The following GATB variants were observed in gnomAD, a reference collection of about 807,000 sequenced individuals.
GATB encodes glutamyl-tRNA(Gln) amidotransferase subunit B, mitochondrial.
A neutral mutation model predicts 62.3 loss-of-function variants in GATB; 39 were observed. The observed-to-expected ratio is 0.63, with a 90% CI of 0.48 to 0.82. The LOEUF (loss-of-function observed/expected upper bound fraction) is 0.82. Among genes scored for constraint, GATB ranks in the 40% least tolerant of loss-of-function variants. The probability of loss-of-function intolerance (pLI) is 0.00; values close to 1 mark genes in which losing one functional copy is unlikely to be tolerated. For missense variants in GATB, 670 were observed against 684.0 expected (o/e 0.98, Z 0.23); for synonymous variants, 276 against 258.9 (o/e 1.07, Z -0.63).
chr4:151,714,015 T>C lies in GATB; in HGVS notation c.763+1994A>G, dbSNP rs186137375. Among the ~76,000 whole-genome samples, 8 of 152,334 alleles carry C rather than the reference T, an allele frequency of 5.3e-5. No individual in the cohort carries two copies. The East Asian group carries it at 1.3e-3, about 26-fold the overall frequency. ...AATGCCTAGTGAACTGAGGAGCATA[T>C]ATTAAATGTTCCAACTGATAGATAT... On this transcript the variant is annotated intron_variant, in intron 5 of 12. Coordinates refer to ENST00000263985, the MANE Select transcript of GATB (RefSeq NM_004564.3).
intron 11 of GATB, 100 bp from the exon 12 acceptor site, chr4:151,672,996 G>T: frequency 6.9e-7 from 1 of 1,440,584 alleles, no homozygotes; most frequent in Non-Finnish European, 9.5e-7. Flanking sequence ...GTGGGAATGA[G>T]CAGATTCAAT....
At chr4:151,760,249 A>G (rs1462293863) in intron 1 of GATB, among the ~76,000 whole-genome samples, 2 of 152,216 alleles carry the variant, frequency 1.3e-5, no homozygotes, top group Admixed American at 1.3e-4. Flanking sequence ...CTGGCCAAAT[A>G]AGCAAAACTC....
intron 2 of GATB, among the ~76,000 whole-genome samples, chr4:151,729,299 AAG>A (rs1739197149): frequency 6.6e-6 from 1 of 152,172 alleles, no homozygotes. Flanking sequence ...GGAAAGAAGG[AAG>A]AGAGAGAAAG....
At chr4:151,726,106 A>T (rs915968073) in intron 2 of GATB, among the ~76,000 whole-genome samples, 6 of 152,268 alleles carry the variant, frequency 3.9e-5, no homozygotes, top group African/African-American at 1.2e-4. Context: ...CAAATCTGAT[A>T]ATTAGGATAT....
At chr4:151,705,382 G>A in intron 6 of GATB, 113 bp from the exon 7 acceptor site, 5 of 659,394 alleles carry the variant, frequency 7.6e-6, no homozygotes, top group Non-Finnish European at 1.1e-5. Flanking sequence ...AAAAAATCAA[G>A]AAGATTGTTT....
At position 151,683,169 on chromosome 4, in the gene GATB, T is replaced by C. The variant is rs567036121; in HGVS notation, c.1332-3278A>G. 2.3e-4 allele frequency among the ~76,000 whole-genome samples: 32 copies of C among 140,678 alleles called. 1 individual carries two copies. The South Asian group carries it at 7.3e-3, about 32-fold the overall frequency. 92.3% of individuals were successfully genotyped at this position (140,678 alleles called of 152,430 possible). ...ACAATGCCTTTGGCTGACCTTGCAG[T>C]CACTTGCGTCTGCCCAGTTTCTTGC... On this transcript the variant is annotated intron_variant, in intron 10 of 12. Coordinates refer to ENST00000263985, the MANE Select transcript of GATB (RefSeq NM_004564.3).
chr4:151,760,682 G>A (rs1739935670), intron 1 of GATB, 125 bp downstream of exon 1: 2 of 818,184 alleles, frequency 2.4e-6, no homozygotes, highest in Admixed American at 3.3e-5. Flanking sequence ...CGGGGCTCCA[G>A]GTTATAACTC....
intron 5 of GATB, among the ~76,000 whole-genome samples, chr4:151,711,178 T>C (rs2126974640): frequency 6.6e-6 from 1 of 152,292 alleles, no homozygotes; most frequent in South Asian, 2.1e-4. Flanking sequence ...CAGCATCATC[T>C]TCCATCTGAA....
chr4:151,720,325 G>A (rs1447124175), intron 2 of GATB: 4 of 152,154 alleles, frequency 2.6e-5, no homozygotes, highest in Non-Finnish European at 4.4e-5. Context: ...TTAAGTTCTC[G>A]AGTCAGGTTC....
At chr4:151,708,450 ACT>A (rs1039389538) in intron 5 of GATB, among the ~76,000 whole-genome samples, 28 of 152,178 alleles carry the variant, frequency 1.8e-4, no homozygotes, top group African/African-American at 5.5e-4. Flanking sequence ...ATGGAGATTG[ACT>A]CTGCAGTTTT....
Position 151,742,989 on chromosome 4 carries a change from G to A in GATB, c.327+15783C>T, listed in dbSNP as rs552255940. ...AAAAAGGAACAAGTTATTTTCAAAA[G>A]GCTAGAGAAATTTAAAAGAGAAAAA... On this transcript the variant is annotated intron_variant, in intron 2 of 12. Coordinates refer to ENST00000263985, the MANE Select transcript of GATB (RefSeq NM_004564.3). Among the ~76,000 whole-genome samples the A allele has an allele frequency of 2.0e-5, 3 of 152,210 alleles. No individual in the cohort carries two copies. The South Asian group carries it at 6.2e-4, about 32-fold the overall frequency.
intron 2 of GATB, among the ~76,000 whole-genome samples, chr4:151,739,974 C>T (rs998511788): frequency 2.4e-4 from 36 of 152,174 alleles, no homozygotes; most frequent in Non-Finnish European, 5.9e-5. Flanking sequence ...GAAGCAAGTT[C>T]GTCCTCTACA....
At chr4:151,693,596 G>A (rs1242563715) in intron 9 of GATB, among the ~76,000 whole-genome samples, 1 of 152,148 alleles carries the variant, frequency 6.6e-6, no homozygotes, top group African/African-American at 2.4e-5. Context: ...GCTCTGAAAT[G>A]GACCCACAAA....
At chr4:151,673,023 G>A in intron 11 of GATB, 127 bp from the exon 12 acceptor site, 1 of 1,202,146 alleles carries the variant, frequency 8.3e-7, no homozygotes, top group Non-Finnish European at 1.2e-6. Flanking sequence ...CCCACTGCCT[G>A]GGCCTGGCCC....
intron 2 of GATB, among the ~76,000 whole-genome samples, chr4:151,731,242 G>A (rs944230321): frequency 7.9e-5 from 12 of 152,160 alleles, no homozygotes; most frequent in Non-Finnish European, 1.8e-4. Context: ...AGCCTGCCGA[G>A]TGCCTGCCAT....
At chr4:151,691,350 G>A (rs907631191) in intron 9 of GATB, among the ~76,000 whole-genome samples, 1 of 152,138 alleles carries the variant, frequency 6.6e-6, no homozygotes, top group African/African-American at 2.4e-5. Flanking sequence ...AAAGCAGCAG[G>A]CATGAGCGGT....
chr4:151,708,091 C>T lies in GATB; in HGVS notation c.774G>A (p.Leu258=), dbSNP rs1196267890. Residue 258 remains leucine (L), a synonymous_variant, in exon 6 of 13, where the codon TTG becomes TTA. Coordinates refer to ENST00000263985, the MANE Select transcript of GATB (RefSeq NM_004564.3). ...GCACGGATATATTGGCATCCACTCT[C>T]AACTGGCCCTCTGGAAGGAGAGAAG... is the stretch of plus-strand genomic sequence containing the variant. ...TSQANMAEGQ[L]RVDANISVHH... is the part of the protein sequence containing the mutation. 6.2e-7 allele frequency: 1 copy of T among 1,611,286 alleles called. No homozygotes were observed. The highest frequency in any genetic ancestry group is 1.1e-5 in the South Asian group (1 of 90,904).
chr4:151,715,321 C>A (rs1305307885), intron 5 of GATB, among the ~76,000 whole-genome samples: 1 of 152,168 alleles, frequency 6.6e-6, no homozygotes, highest in African/African-American at 2.4e-5. Context: ...GCAGAGGCTA[C>A]CCTTTACGGA....
intron 2 of GATB, chr4:151,720,500 A>G (rs1332478229): frequency 6.6e-6 from 1 of 152,122 alleles, no homozygotes; most frequent in Non-Finnish European, 1.5e-5. Context: ...ACAATTTTGG[A>G]GGATGTCATG....
Sources: allele counts gnomAD v4.1 joint callset (sites outside exome capture counted in the v4.1 genomes callset), GRCh38; gene constraint gnomAD v4.1.1; transcripts MANE v1.5; gene names NCBI Gene and HGNC (gene_info 2026-07-23, HGNC 2026-07-21).